The following RASGEF1C variants were observed in gnomAD, a reference collection of about 807,000 sequenced individuals.
RASGEF1C encodes the protein RasGEF domain family member 1C, also known as ras-GEF domain-containing family member 1C.
Under a neutral mutation model 58.1 loss-of-function variants are expected in RASGEF1C, and 27 were observed. The observed-to-expected ratio is 0.46, with a 90% confidence interval of 0.34 to 0.64. The LOEUF is 0.64. Ranked by LOEUF, RASGEF1C falls within the 30% of genes least tolerant of loss-of-function variation. The pLI is 0.01. For synonymous variants in RASGEF1C, 243 were observed against 246.3 expected, an observed-to-expected ratio of 0.99 and a Z score of 0.13; for missense variants, 502 against 605.1, an observed-to-expected ratio of 0.83 and a Z score of 1.79.
intron 1 of RASGEF1C, among the ~76,000 whole-genome samples, chr5:180,162,410 T>A (rs1162754310): frequency 6.6e-6 from 1 of 152,206 alleles, no homozygotes; most frequent in Non-Finnish European, 1.5e-5. Context: ...CCAACTCTGA[T>A]GTCACCCCTA....
chr5:180,103,269 G>A (rs1041071066), intron 12 of RASGEF1C, among the ~76,000 whole-genome samples: 14 of 152,226 alleles, frequency 9.2e-5, no homozygotes, highest in Middle Eastern at 3.4e-3. Context: ...AGTAGAGATG[G>A]GGTTTCACCG....
intron 1 of RASGEF1C, among the ~76,000 whole-genome samples, chr5:180,172,198 G>A (rs1767120146): frequency 6.6e-6 from 1 of 152,210 alleles, no homozygotes; most frequent in African/African-American, 2.4e-5. Context: ...TGAGAGCACA[G>A]TGGGCAACAG....
At chr5:180,165,279 G>A (rs1767000926) in intron 1 of RASGEF1C, among the ~76,000 whole-genome samples, 1 of 152,110 alleles carries the variant, frequency 6.6e-6, no homozygotes, top group Non-Finnish European at 1.5e-5. Flanking sequence ...TTATTGATAT[G>A]TTTGAATGAA....
intron 1 of RASGEF1C, among the ~76,000 whole-genome samples, chr5:180,196,109 T>C (rs1478747936): frequency 6.6e-6 from 1 of 152,188 alleles, no homozygotes; most frequent in Non-Finnish European, 1.5e-5. Flanking sequence ...ATTTCTTCCT[T>C]GACTATTCAA....
rs1480598706 is a variant in RASGEF1C at position 180,137,007 on chromosome 5, C to A, written c.301-492G>T. Among the ~76,000 whole-genome samples, 2 of 152,162 alleles carry A rather than the reference C, an allele frequency of 1.3e-5. No homozygotes were observed. Among genetic ancestry groups the A allele is most frequent in the African/African-American group, 4.8e-5 (2 of 41,434 alleles). On this transcript the variant is annotated intron_variant, in intron 3 of 13. Coordinates refer to ENST00000361132, the MANE Select transcript of RASGEF1C (RefSeq NM_175062.4). This position sits in a 1 kb window ranked among gnomAD's most constrained non-coding sequence, Gnocchi z 4.1. Reference sequence around the variant, plus strand: ...GGTGAGCCTGGTGCGGTGGAGGCGGCCAAGCGCCACACCAGCCAGCCCGAG... The same window carrying A: ...GGTGAGCCTGGTGCGGTGGAGGCGGACAAGCGCCACACCAGCCAGCCCGAG...
intron 6 of RASGEF1C, among the ~76,000 whole-genome samples, chr5:180,123,435 C>T (rs149489975): frequency 8.3e-4 from 126 of 152,230 alleles, no homozygotes; most frequent in African/African-American, 2.8e-3. Context: ...CTTGAGAATA[C>T]GCATTCTTTT....
At chr5:180,104,600 G>T (rs1765845834) in intron 12 of RASGEF1C, among the ~76,000 whole-genome samples, 2 of 152,142 alleles carry the variant, frequency 1.3e-5, no homozygotes. Flanking sequence ...AAGACAACTG[G>T]CTTCATCAGG....
chr5:180,173,339 C>T (rs977709902), intron 1 of RASGEF1C, among the ~76,000 whole-genome samples: 4 of 152,204 alleles, frequency 2.6e-5, no homozygotes, highest in Non-Finnish European at 4.4e-5. Context: ...GCTCCCTCTG[C>T]CCCACCTAAG....
In RASGEF1C at chr5:180,114,427, G is replaced by A; in HGVS notation, c.1179+19C>T. Reference sequence around the variant, plus strand: ...TCCCGGCCTGTCTACCTCAGTGGCGGTCCACACGGAGGTCCTACCTCAAAG... The same window carrying A: ...TCCCGGCCTGTCTACCTCAGTGGCGATCCACACGGAGGTCCTACCTCAAAG... On this transcript the variant is annotated intron_variant, in intron 11 of 13. Transcript: ENST00000361132. 8 of 1,608,588 alleles carry A rather than the reference G, an allele frequency of 5.0e-6. No individual in the cohort carries two copies. The highest frequency in any genetic ancestry group is 5.9e-6 in the Non-Finnish European group (7 of 1,176,546).
intron 1 of RASGEF1C, among the ~76,000 whole-genome samples, chr5:180,147,512 C>T (rs563437561): frequency 6.6e-6 from 1 of 152,250 alleles, no homozygotes; most frequent in East Asian, 1.9e-4. Context: ...TTTCATTCAT[C>T]TCTAAGTATT....
chr5:180,114,628 TGCC>T, intron 10 of RASGEF1C, 87 bp from the exon 11 acceptor site: 1 of 1,310,686 alleles, frequency 7.6e-7, no homozygotes, highest in South Asian at 1.2e-5. Flanking sequence ...AGCAGATAGC[TGCC>T]CCAGGGACCT....
At chr5:180,188,539 TAGAAG>T (rs1385227268) in intron 1 of RASGEF1C, among the ~76,000 whole-genome samples, 1 of 152,112 alleles carries the variant, frequency 6.6e-6, no homozygotes, top group Non-Finnish European at 1.5e-5. Context: ...CAACTAATAA[TAGAAG>T]AGAAGTTCCC....
At position 180,114,453 on chromosome 5, in the gene RASGEF1C, T is replaced by C. The variant is rs2113246588; in HGVS notation, c.1172A>G (p.Asn391Ser). ...CANRLPNGHV[N>S]FEKFLELAKQ... ...TCCACACGGAGGTCCTACCTCAAAGTTGACGTGTCCATTGGGAAGGCGGTT... is the reference window on the plus strand; with the variant it reads ...TCCACACGGAGGTCCTACCTCAAAGCTGACGTGTCCATTGGGAAGGCGGTT... Residue 391 changes from asparagine (N) to serine (S), a missense_variant, in exon 11 of 14, where the codon AAC becomes AGC. Physicochemically the swap from Asn to Ser is conservative, Grantham distance 46 (BLOSUM62 1). Transcript: ENST00000361132. 2.5e-6 allele frequency: 4 copies of C among 1,612,510 alleles called. No homozygotes were observed. Among genetic ancestry groups the C allele is most frequent in the Non-Finnish European group, 3.4e-6 (4 of 1,178,994 alleles).
chr5:180,182,278 G>A (rs1384916272), intron 1 of RASGEF1C, among the ~76,000 whole-genome samples: 1 of 149,836 alleles, frequency 6.7e-6, no homozygotes, highest in Admixed American at 6.7e-5. Flanking sequence ...AGCTCTTAAA[G>A]GTGGTGTGTC....
intron 1 of RASGEF1C, among the ~76,000 whole-genome samples, chr5:180,186,838 T>C (rs1307551457): frequency 6.6e-6 from 1 of 152,200 alleles, no homozygotes; most frequent in African/African-American, 2.4e-5. Flanking sequence ...CAGTGGCACA[T>C]GCCTGTAATG....
intron 1 of RASGEF1C, among the ~76,000 whole-genome samples, chr5:180,205,899 A>AT (rs1323026183): frequency 6.6e-6 from 1 of 151,794 alleles, no homozygotes; most frequent in Non-Finnish European, 1.5e-5. Flanking sequence ...TTCCCGGGTA[A>AT]TTTTTTATAT....
Position 180,101,463 on chromosome 5 carries a change from C to A in RASGEF1C, c.*38G>T, listed in dbSNP as rs115697704. ...GAGGCAGGGCTGTGGACGGCTTCTG[C>A]GGGCTCCAGCTCTTCCTCGTCCCTC... On this transcript the variant is annotated 3_prime_UTR_variant, in exon 14 of 14. Coordinates refer to ENST00000361132, the MANE Select transcript of RASGEF1C (RefSeq NM_175062.4). The A allele has an allele frequency of 1.2e-6, 2 of 1,606,466 alleles. No homozygotes were observed. The highest frequency in any genetic ancestry group is 1.7e-5 in the Admixed American group (1 of 59,942).
chr5:180,183,207 C>T (rs1288980929), intron 1 of RASGEF1C, among the ~76,000 whole-genome samples: 1 of 152,140 alleles, frequency 6.6e-6, no homozygotes, highest in Non-Finnish European at 1.5e-5. Flanking sequence ...TAAATTCTGC[C>T]ACCAGCCACA....
At chr5:180,201,978 T>G (rs759401527) in intron 1 of RASGEF1C, among the ~76,000 whole-genome samples, 3 of 152,118 alleles carry the variant, frequency 2.0e-5, no homozygotes, top group Non-Finnish European at 4.4e-5. Flanking sequence ...GATGAACAGA[T>G]GAAGACACAC....
Sources: gnomAD v4.1 joint callset for allele counts (sites outside exome capture counted in the v4.1 genomes callset) on GRCh38, gnomAD v4.1.1 for gene constraint, Gnocchi (gnomAD v3.1) non-coding constraint, MANE v1.5 for transcripts, NCBI Gene and HGNC (gene_info 2026-07-23, HGNC 2026-07-21) for gene names.